The following DHRSX variants were observed in gnomAD, a reference collection of about 807,000 sequenced individuals.
The protein encoded by DHRSX is polyprenol dehydrogenase.
Under a neutral mutation model 34.0 loss-of-function variants are expected in DHRSX, and 31 were observed. That is an observed-to-expected ratio of 0.91 (90% CI 0.69 to 1.23). DHRSX has a LOEUF of 1.23. DHRSX is among the 50% of genes most tolerant of loss of function. DHRSX has a pLI of 0.00. For synonymous variants in DHRSX, 201 were observed against 183.8 expected, an observed-to-expected ratio of 1.09 and a Z score of -0.76; for missense variants, 414 against 428.1, an observed-to-expected ratio of 0.97 and a Z score of 0.29.
intron 3 of DHRSX, among the ~76,000 whole-genome samples, chrX:2,317,269 T>TTTTTTTTTTTA (rs1569487959): frequency 7.5e-6 from 1 of 132,844 alleles, no homozygotes; most frequent in African/African-American, 2.9e-5. Flanking sequence ...TTTTTTTTTT[T>TTTTTTTTTTTA]GAGACAGAGT....
Position 2,271,096 on chromosome X carries a change from G to A in DHRSX, c.389-4149C>T, listed in dbSNP as rs535775633. 9.2e-5 allele frequency among the ~76,000 whole-genome samples: 14 copies of A among 152,268 alleles called. No homozygotes were observed. The Middle Eastern group carries it at 0.031, about 335-fold the overall frequency. ...TTCACTCTTCACCATAAATCTTGCT[G>A]CTGCTCACTCTTTGGGTCTACACTA... On this transcript the variant is annotated intron_variant, in intron 4 of 6. Transcript: ENST00000334651.
At chrX:2,489,695 G>A (rs1235655554) in intron 1 of DHRSX, 3 of 1,612,660 alleles carry the variant, frequency 1.9e-6, no homozygotes, top group Non-Finnish European at 1.7e-6. Context: ...CATGCAGTGG[G>A]CCACGTTCTG....
chrX:2,400,967 A>G (rs2043478235), intron 3 of DHRSX, among the ~76,000 whole-genome samples: 2 of 152,202 alleles, frequency 1.3e-5, no homozygotes, highest in Non-Finnish European at 2.9e-5. Context: ...ACACCCATCA[A>G]TTACAGAAGG....
chrX:2,400,722 G>A (rs1383843100), intron 3 of DHRSX, among the ~76,000 whole-genome samples: 1 of 152,106 alleles, frequency 6.6e-6, no homozygotes, highest in Admixed American at 6.6e-5. Context: ...GTCACAAAGA[G>A]CTCTCTTACT....
At chrX:2,299,120 C>T (rs1456899696) in intron 3 of DHRSX, among the ~76,000 whole-genome samples, 1 of 152,138 alleles carries the variant, frequency 6.6e-6, no homozygotes, top group African/African-American at 2.4e-5. Flanking sequence ...TGACGAGATG[C>T]TCCATTTAAT....
At chrX:2,360,408 C>A (rs1382544508) in intron 3 of DHRSX, among the ~76,000 whole-genome samples, 1 of 152,198 alleles carries the variant, frequency 6.6e-6, no homozygotes, top group South Asian at 2.1e-4. Flanking sequence ...CATGGTGAAA[C>A]CCTGTCTCTA....
intron 1 of DHRSX, among the ~76,000 whole-genome samples, chrX:2,448,407 C>T (rs1443766892): frequency 2.6e-5 from 4 of 152,062 alleles, no homozygotes; most frequent in Non-Finnish European, 5.9e-5. Context: ...TATCACACCA[C>T]AGTGATCATA....
rs938565663 is a variant in DHRSX at position 2,409,419 on chromosome X, G to A, written c.218-606C>T. Reference sequence around the variant, plus strand: ...AGGTATTTCTCCTAATGCTCTCCCTGCCCTGCCCCCTCAACCCCTCGACAG... The same window carrying A: ...AGGTATTTCTCCTAATGCTCTCCCTACCCTGCCCCCTCAACCCCTCGACAG... On this transcript the variant is annotated intron_variant, in intron 2 of 6. Transcript: ENST00000334651. 6.5e-4 allele frequency among the ~76,000 whole-genome samples: 99 copies of A among 152,152 alleles called. 1 individual carries two copies. The highest frequency in any genetic ancestry group is 1.2e-3 in the Non-Finnish European group (79 of 67,998).
At chrX:2,283,140 G>C (rs746262657) in intron 4 of DHRSX, among the ~76,000 whole-genome samples, 96 of 152,052 alleles carry the variant, frequency 6.3e-4, no homozygotes, top group Non-Finnish European at 1.3e-3. Flanking sequence ...AGAATCTCGG[G>C]AGGGCGGTGG....
At chrX:2,344,181 T>C (rs73630280) in intron 3 of DHRSX, among the ~76,000 whole-genome samples, 11,684 of 152,224 alleles carry the variant, frequency 0.077, 1,373 homozygotes, top group African/African-American at 0.25. Context: ...AGGTGAAAAC[T>C]GATTCAACAA....
chrX:2,398,276 G>A (rs895261175), intron 3 of DHRSX, among the ~76,000 whole-genome samples: 2 of 152,100 alleles, frequency 1.3e-5, no homozygotes, highest in Non-Finnish European at 2.9e-5. Context: ...GGCCAGAGGT[G>A]GGCTCCAAGA....
intron 2 of DHRSX, among the ~76,000 whole-genome samples, chrX:2,420,223 A>G (rs1029862443): frequency 5.3e-5 from 8 of 151,500 alleles, no homozygotes; most frequent in Non-Finnish European, 1.2e-4. Context: ...CCTGACCTAC[A>G]TGGTGAAACC....
chrX:2,230,613 G>A (rs180877561), intron 6 of DHRSX, among the ~76,000 whole-genome samples: 2,989 of 152,284 alleles, frequency 0.02, 106 homozygotes, highest in African/African-American at 0.064. Flanking sequence ...GCATTTAAGC[G>A]AAGGAGAGGA....
intron 4 of DHRSX, among the ~76,000 whole-genome samples, 195 bp from the exon 5 acceptor site, chrX:2,267,142 C>T (rs1225248912): frequency 6.6e-6 from 1 of 152,182 alleles, no homozygotes; most frequent in Non-Finnish European, 1.5e-5. Flanking sequence ...TCACTGAAGT[C>T]CCTTCCTGCC....
intron 5 of DHRSX, among the ~76,000 whole-genome samples, chrX:2,249,234 C>T (rs961958785): frequency 6.9e-6 from 1 of 145,720 alleles, no homozygotes; most frequent in African/African-American, 2.5e-5. Flanking sequence ...GTTCTGTCGC[C>T]CAGGCTAGAG....
rs2043130653 is a variant in DHRSX at position 2,375,515 on chromosome X, C to T, written c.286+33230G>A. Among the ~76,000 whole-genome samples the T allele has an allele frequency of 1.5e-5, 2 of 137,568 alleles. 1 individual carries two copies. Among genetic ancestry groups the T allele is most frequent in the South Asian group, 4.6e-4 (2 of 4,338 alleles). 90.2% of individuals were successfully genotyped at this position (137,568 alleles called of 152,430 possible). On this transcript the variant is annotated intron_variant, in intron 3 of 6. Transcript: ENST00000334651. ...TTTCTTCCTCCTAGGGGAGAATCCTCAGCTACAGGGTTGTTTTGGTTTCCT... is the reference window on the plus strand; with the variant it reads ...TTTCTTCCTCCTAGGGGAGAATCCTTAGCTACAGGGTTGTTTTGGTTTCCT...
chrX:2,412,811 T>C (rs1194166913), intron 2 of DHRSX, among the ~76,000 whole-genome samples: 1 of 152,200 alleles, frequency 6.6e-6, no homozygotes, highest in African/African-American at 2.4e-5. Flanking sequence ...GAGTACATCA[T>C]GTTAAGTAAA....
chrX:2,293,044 A>G (rs2041885337), intron 3 of DHRSX, among the ~76,000 whole-genome samples: 1 of 152,144 alleles, frequency 6.6e-6, no homozygotes, highest in African/African-American at 2.4e-5. Context: ...TCAGCCTCCC[A>G]AAGTGTTGGA....
intron 3 of DHRSX, among the ~76,000 whole-genome samples, chrX:2,389,103 C>T (rs147883411): frequency 0.02 from 3,047 of 152,300 alleles, 109 homozygotes; most frequent in African/African-American, 0.069. Context: ...GACGAATACA[C>T]GGACCAGAGC....
Sources: gnomAD v4.1 joint callset for allele counts (sites outside exome capture counted in the v4.1 genomes callset) on GRCh38, gnomAD v4.1.1 for gene constraint, MANE v1.5 for transcripts, NCBI Gene and HGNC (gene_info 2026-07-23, HGNC 2026-07-21) for gene names.